Variants in COLEC10 observed in about 807,000 individuals in gnomAD.
COLEC10 encodes collectin-10.
Under a neutral mutation model 28.4 loss-of-function variants are expected in COLEC10, and 22 were observed. The ratio of observed to expected loss-of-function variants is 0.78; its 90% confidence interval spans 0.55 to 1.11. The LOEUF (loss-of-function observed/expected upper bound fraction) is 1.11, where lower values mean the gene tolerates loss of function less well. Among genes scored for constraint, COLEC10 ranks in the 50% least tolerant of loss-of-function variants. The pLI, the probability that COLEC10 is intolerant of heterozygous loss-of-function variation, is 0.00. For synonymous variants in COLEC10, 125 were observed against 116.1 expected (o/e 1.08, Z -0.49); for missense variants, 361 against 344.1 (o/e 1.05, Z -0.39).
chr8:119,091,857 A>G (rs1815610503), intron 3 of COLEC10, among the ~76,000 whole-genome samples: 1 of 152,184 alleles, frequency 6.6e-6, no homozygotes, highest in Non-Finnish European at 1.5e-5. Flanking sequence ...ATGTTGAATT[A>G]TCTCCTGGGA....
At chr8:119,069,099 T>C (rs1376909941) in intron 1 of COLEC10, among the ~76,000 whole-genome samples, 5 of 152,144 alleles carry the variant, frequency 3.3e-5, no homozygotes, top group Admixed American at 6.5e-5. Context: ...TAACCTGTCC[T>C]AGCTCTCGCA....
At chr8:119,020,397 C>T (rs1388251898) in intron 2 of COLEC10, among the ~76,000 whole-genome samples, 1 of 152,076 alleles carries the variant, frequency 6.6e-6, no homozygotes, top group Non-Finnish European at 1.5e-5. Context: ...TTCAAATAAA[C>T]ATTTTGGAGG....
chr8:119,050,634 T>C (rs992359859), intron 2 of COLEC10, among the ~76,000 whole-genome samples: 6 of 152,192 alleles, frequency 3.9e-5, no homozygotes, highest in Non-Finnish European at 5.9e-5. Context: ...AATGAATATA[T>C]CATTCTAAGT....
the COLEC10 span, among the ~76,000 whole-genome samples, chr8:118,985,939 T>A: frequency 6.6e-6 from 1 of 152,012 alleles, no homozygotes; most frequent in Non-Finnish European, 1.5e-5. Context: ...CAACAATCAG[T>A]TATGCCAAGC....
chr8:119,003,900 G>T (rs1341417778), intron 1 of COLEC10, among the ~76,000 whole-genome samples: 2 of 151,900 alleles, frequency 1.3e-5, no homozygotes, highest in Admixed American at 1.3e-4. Flanking sequence ...ATACTAAATT[G>T]CCTAGCCTCT....
chr8:119,027,162 T>C (rs1374048520), intron 2 of COLEC10, among the ~76,000 whole-genome samples: 1 of 152,160 alleles, frequency 6.6e-6, no homozygotes, highest in African/African-American at 2.4e-5. Flanking sequence ...ATGTCTATCA[T>C]ATAGTAAGTG....
chr8:119,103,522 TG>T (rs1815880994), intron 4 of COLEC10, among the ~76,000 whole-genome samples: 1 of 152,138 alleles, frequency 6.6e-6, no homozygotes, highest in Non-Finnish European at 1.5e-5. Flanking sequence ...TGGTCCAAAA[TG>T]TGTATGCAGT....
the COLEC10 span, among the ~76,000 whole-genome samples, chr8:118,985,406 C>T: frequency 6.6e-6 from 1 of 151,944 alleles, no homozygotes; most frequent in East Asian, 1.9e-4. Context: ...CATAATTTTT[C>T]GTTCTAGTTT....
At chr8:118,987,822 T>C in the COLEC10 span, among the ~76,000 whole-genome samples, 9 of 152,202 alleles carry the variant, frequency 5.9e-5, no homozygotes, top group East Asian at 1.2e-3. Flanking sequence ...AAATCTTCGA[T>C]GTGTTTTATC....
At chr8:119,071,414 G>T (rs1277006587) in intron 1 of COLEC10, among the ~76,000 whole-genome samples, 1 of 151,970 alleles carries the variant, frequency 6.6e-6, no homozygotes, top group East Asian at 1.9e-4. Context: ...TTTCACTTTT[G>T]CTTTTCAATG....
chr8:118,970,716 G>A, the COLEC10 span, among the ~76,000 whole-genome samples: 2 of 150,948 alleles, frequency 1.3e-5, no homozygotes, highest in Non-Finnish European at 3.0e-5. Flanking sequence ...CTCTTTGAAT[G>A]ATATAATATC....
chr8:119,006,681 C>T (rs1449514991), intron 1 of COLEC10, among the ~76,000 whole-genome samples: 1 of 152,036 alleles, frequency 6.6e-6, no homozygotes, highest in Non-Finnish European at 1.5e-5. Context: ...ATGCCTCCAT[C>T]CAGATATTCC....
At chr8:119,042,228 C>T (rs1427101394) in intron 2 of COLEC10, among the ~76,000 whole-genome samples, 1 of 151,848 alleles carries the variant, frequency 6.6e-6, no homozygotes, top group East Asian at 1.9e-4. Context: ...GAACTCCTGA[C>T]CTCAGGTAAT....
At chr8:119,094,040 TA>T (rs1296367395) in intron 3 of COLEC10, among the ~76,000 whole-genome samples, 5 of 152,170 alleles carry the variant, frequency 3.3e-5, no homozygotes, top group Non-Finnish European at 5.9e-5. Flanking sequence ...GACTTCCATG[TA>T]TACTTATTGC....
intron 1 of COLEC10, among the ~76,000 whole-genome samples, chr8:119,073,997 CATAT>C (rs1270173182): frequency 6.6e-6 from 1 of 151,232 alleles, no homozygotes; most frequent in African/African-American, 2.4e-5. Flanking sequence ...TATATACACA[CATAT>C]ATATACGTGT....
intron 1 of COLEC10, among the ~76,000 whole-genome samples, chr8:119,070,195 G>A (rs116764763): frequency 3.3e-5 from 5 of 152,118 alleles, no homozygotes; most frequent in Admixed American, 6.5e-5. Context: ...TTTGCAAAAT[G>A]AGCCTTCATC....
At chr8:118,996,090 A>C (rs1312421768) in intron 1 of COLEC10, among the ~76,000 whole-genome samples, 1 of 152,154 alleles carries the variant, frequency 6.6e-6, no homozygotes, top group Non-Finnish European at 1.5e-5. Context: ...CTCTCTGCTT[A>C]ATTTGACTGT....
At chr8:119,033,652 T>C (rs1452482025) in intron 2 of COLEC10, among the ~76,000 whole-genome samples, 1 of 152,156 alleles carries the variant, frequency 6.6e-6, no homozygotes, top group African/African-American at 2.4e-5. Flanking sequence ...TCATCATCAC[T>C]GGTCATTAGA....
chr8:119,025,587 G>C (rs1362449413), intron 2 of COLEC10, among the ~76,000 whole-genome samples: 1 of 152,150 alleles, frequency 6.6e-6, no homozygotes, highest in African/African-American at 2.4e-5. Context: ...TGGACACCAG[G>C]CACAAAGTGA....
Sources: gnomAD v4.1 joint callset for allele counts (sites outside exome capture counted in the v4.1 genomes callset) on GRCh38, gnomAD v4.1.1 for gene constraint, MANE v1.5 for transcripts, NCBI Gene and HGNC (gene_info 2026-07-23, HGNC 2026-07-21) for gene names.